RBMS3: variants seen among roughly 807,000 people sequenced by gnomAD.
RBMS3 encodes the protein RNA binding motif single stranded interacting protein 3.
Under a neutral mutation model 66.8 loss-of-function variants are expected in RBMS3, and 27 were observed. That is an observed-to-expected ratio of 0.40 (90% CI 0.30 to 0.56). RBMS3 has a LOEUF of 0.56. RBMS3 is among the 20% of genes least tolerant of loss of function. The pLI, the probability that RBMS3 is intolerant of heterozygous loss-of-function variation, is 0.40. For synonymous variants in RBMS3, 188 were observed against 183.0 expected (o/e 1.03, Z -0.22); for missense variants, 513 against 549.5 (o/e 0.93, Z 0.66).
chr3:29,308,939 A>T (rs559978568), intron 1 of RBMS3, among the ~76,000 whole-genome samples: 1 of 151,748 alleles, frequency 6.6e-6, no homozygotes, highest in Non-Finnish European at 1.5e-5. Context: ...TTATCTAACA[A>T]TGATTTCAAG....
intron 2 of RBMS3, among the ~76,000 whole-genome samples, chr3:29,462,069 C>A (rs1315010067): frequency 6.6e-6 from 1 of 151,846 alleles, no homozygotes; most frequent in Non-Finnish European, 1.5e-5. Context: ...GCCACCGCGC[C>A]CGGCTCTACT....
At chr3:29,367,650 G>T (rs2037982292) in intron 1 of RBMS3, among the ~76,000 whole-genome samples, 1 of 151,992 alleles carries the variant, frequency 6.6e-6, no homozygotes, top group Non-Finnish European at 1.5e-5. Flanking sequence ...GAATATAATT[G>T]CTTTTTGTTT....
intron 4 of RBMS3, among the ~76,000 whole-genome samples, chr3:29,705,359 T>C (rs944687962): frequency 3.3e-5 from 5 of 152,236 alleles, no homozygotes; most frequent in African/African-American, 7.2e-5. Flanking sequence ...GAAGTTTACT[T>C]TCTCCTCCTT....
chr3:29,390,422 A>G (rs2039235934), intron 1 of RBMS3, among the ~76,000 whole-genome samples: 1 of 152,222 alleles, frequency 6.6e-6, no homozygotes, highest in East Asian at 1.9e-4. Context: ...GGCCCTGACT[A>G]TCAATGCATT....
intron 1 of RBMS3, among the ~76,000 whole-genome samples, chr3:29,291,224 C>A (rs551603252): frequency 2.0e-5 from 3 of 151,936 alleles, no homozygotes; most frequent in Non-Finnish European, 4.4e-5. Flanking sequence ...TTTCCTTGCA[C>A]CAGTGTTTTT....
At chr3:29,644,457 T>C (rs1019116591) in intron 4 of RBMS3, among the ~76,000 whole-genome samples, 5 of 152,172 alleles carry the variant, frequency 3.3e-5, no homozygotes, top group African/African-American at 9.7e-5. Flanking sequence ...TAAGTATATT[T>C]GAGCCTCGTG....
intron 1 of RBMS3, among the ~76,000 whole-genome samples, chr3:29,323,374 A>C (rs973550312): frequency 1.8e-4 from 28 of 152,298 alleles, no homozygotes; most frequent in African/African-American, 6.5e-4. Context: ...TAAAGAAACA[A>C]AGCCGTAAAC....
rs556568586 is a variant in RBMS3, at chr3:29,525,847, T to C, written c.307+37348T>C. On this transcript the variant is annotated intron_variant, in intron 3 of 14. Transcript: ENST00000383767. Reference sequence around the variant, plus strand: ...AATCTGGAACTGCTGCCAATTTTCTTTGAGGGCATTTTAGTATCATTATCT... The same window carrying C: ...AATCTGGAACTGCTGCCAATTTTCTCTGAGGGCATTTTAGTATCATTATCT... Among the ~76,000 whole-genome samples the C allele has an allele frequency of 2.6e-5, 4 of 152,308 alleles. No individual in the cohort carries two copies. The South Asian group carries it at 6.2e-4, about 24-fold the overall frequency.
At chr3:29,450,592 C>T (rs2041978672) in intron 2 of RBMS3, among the ~76,000 whole-genome samples, 1 of 152,032 alleles carries the variant, frequency 6.6e-6, no homozygotes. Flanking sequence ...TTGCACAGTC[C>T]TGCTTGGCAT....
At chr3:29,964,943 T>TC (rs1216209853) in intron 12 of RBMS3, among the ~76,000 whole-genome samples, 1 of 152,140 alleles carries the variant, frequency 6.6e-6, no homozygotes, top group Non-Finnish European at 1.5e-5. Flanking sequence ...ATAGCTTAGC[T>TC]CCCACACATC....
intron 13 of RBMS3, among the ~76,000 whole-genome samples, chr3:29,990,460 CAAA>C (rs10596526): frequency 6.6e-5 from 7 of 106,484 alleles, no homozygotes; most frequent in Admixed American, 9.5e-5. Flanking sequence ...CTGTGAGAAA[CAAA>C]AAAAAAAAAA....
intron 4 of RBMS3, among the ~76,000 whole-genome samples, chr3:29,630,260 G>T (rs985127258): frequency 6.6e-6 from 1 of 151,880 alleles, no homozygotes; most frequent in Non-Finnish European, 1.5e-5. Context: ...TAATTCTGTC[G>T]TACAGCATAG....
intron 5 of RBMS3, among the ~76,000 whole-genome samples, chr3:29,744,713 G>A (rs372785483): frequency 2.6e-4 from 39 of 151,564 alleles, no homozygotes; most frequent in African/African-American, 8.7e-4. Flanking sequence ...GAACCTGGGA[G>A]GTAGAGGTTG....
At chr3:29,651,769 G>T (rs1219540783) in intron 4 of RBMS3, among the ~76,000 whole-genome samples, 1 of 152,108 alleles carries the variant, frequency 6.6e-6, no homozygotes, top group Admixed American at 6.6e-5. Context: ...ATAGCTGAAT[G>T]ATTTACAACA....
intron 2 of RBMS3, among the ~76,000 whole-genome samples, chr3:29,478,288 A>C (rs2043017114): frequency 6.6e-6 from 1 of 152,348 alleles, no homozygotes; most frequent in East Asian, 1.9e-4. Flanking sequence ...TATATTTCAC[A>C]GTGCTGGAGG....
At chr3:29,873,751 G>A (rs1424622075) in intron 7 of RBMS3, among the ~76,000 whole-genome samples, 1 of 152,090 alleles carries the variant, frequency 6.6e-6, no homozygotes, top group Non-Finnish European at 1.5e-5. Flanking sequence ...ATTATTTTGA[G>A]CTATGTTCCT....
intron 1 of RBMS3, among the ~76,000 whole-genome samples, chr3:29,359,935 C>G (rs2037464884): frequency 6.6e-6 from 1 of 152,080 alleles, no homozygotes; most frequent in Non-Finnish European, 1.5e-5. Context: ...ATTCTTCTCT[C>G]TTTTCTTCTT....
At chr3:29,384,272 C>T (rs576393221) in intron 1 of RBMS3, among the ~76,000 whole-genome samples, 57 of 152,116 alleles carry the variant, frequency 3.7e-4, no homozygotes, top group South Asian at 1.7e-3. Flanking sequence ...GCCGTGATCG[C>T]ACCACTATAC....
In RBMS3 at chr3:29,349,372, A is replaced by G. The variant is rs533222544; in HGVS notation, c.75+67616A>G. On this transcript the variant is annotated intron_variant, in intron 1 of 14. Transcript: ENST00000383767. ...AAGTCTGAGAATGCAGGTCAATCCC[A>G]ATACAGCTGCACCTTTCTACTTTGT... Among the ~76,000 whole-genome samples the G allele has an allele frequency of 2.4e-4, 37 of 152,260 alleles. No individual in the cohort carries two copies. In the East Asian group the frequency reaches 5.4e-3, roughly 22 times the overall value.
Sources: gnomAD v4.1 joint callset for allele counts (sites outside exome capture counted in the v4.1 genomes callset) on GRCh38, gnomAD v4.1.1 for gene constraint, MANE v1.5 for transcripts, NCBI Gene and HGNC (gene_info 2026-07-23, HGNC 2026-07-21) for gene names.